The following SCHIP1 variants were observed in gnomAD, a reference collection of about 807,000 sequenced individuals.
SCHIP1 encodes the protein schwannomin-interacting protein 1.
In SCHIP1, 8 loss-of-function variants were observed where a neutral mutation model predicts 29.7. That is an observed-to-expected ratio of 0.27 (90% confidence interval 0.16 to 0.49). SCHIP1 has a LOEUF of 0.49. Among genes scored for constraint, SCHIP1 ranks in the 20% least tolerant of loss-of-function variants. The pLI, the probability that SCHIP1 is intolerant of heterozygous loss-of-function variation, is 0.99. For synonymous variants in SCHIP1, 76 were observed against 94.9 expected, an observed-to-expected ratio of 0.80 and a Z score of 1.16; for missense variants, 193 against 294.6, an observed-to-expected ratio of 0.66 and a Z score of 2.52.
the SCHIP1 span, among the ~76,000 whole-genome samples, chr3:159,425,782 A>T: frequency 6.6e-6 from 1 of 152,338 alleles, no homozygotes; most frequent in African/African-American, 2.4e-5. Context: ...AATTGACCAC[A>T]TACTTGGAAG....
At chr3:159,397,907 T>C in the SCHIP1 span, among the ~76,000 whole-genome samples, 3 of 152,224 alleles carry the variant, frequency 2.0e-5, no homozygotes, top group Non-Finnish European at 2.9e-5. Flanking sequence ...GGCAATGGCA[T>C]GCACCCCTCC....
chr3:159,287,600 A>T, the SCHIP1 span, among the ~76,000 whole-genome samples: 1 of 152,218 alleles, frequency 6.6e-6, no homozygotes, highest in East Asian at 1.9e-4. Flanking sequence ...GCTAAAATTT[A>T]TACCGCATTG....
chr3:159,896,627 T>A, intron 6 of SCHIP1, 96 bp from the exon 8 acceptor site: 2 of 1,260,770 alleles, frequency 1.6e-6, no homozygotes, highest in Non-Finnish European at 2.1e-6. Context: ...TGTCAGTAAC[T>A]CTGAACTTCA....
At chr3:159,556,736 G>A in the SCHIP1 span, among the ~76,000 whole-genome samples, 2 of 137,870 alleles carry the variant, frequency 1.5e-5, no homozygotes, top group Non-Finnish European at 3.1e-5. Context: ...CATGGACACA[G>A]GAAGGGGAAC....
the SCHIP1 span, among the ~76,000 whole-genome samples, chr3:159,674,134 G>A: frequency 3.9e-5 from 6 of 152,112 alleles, no homozygotes; most frequent in East Asian, 1.9e-4. Context: ...TAATGGGCAC[G>A]CTCCATTTAT....
At chr3:159,465,950 T>C in the SCHIP1 span, among the ~76,000 whole-genome samples, 1 of 152,168 alleles carries the variant, frequency 6.6e-6, no homozygotes, top group South Asian at 2.1e-4. Flanking sequence ...ACGATCCTAC[T>C]GAGTGAATGA....
chr3:159,350,232 A>G, the SCHIP1 span, among the ~76,000 whole-genome samples: 44 of 152,288 alleles, frequency 2.9e-4, 1 homozygote, highest in Admixed American at 7.9e-4. Context: ...GAAACAAGAA[A>G]GTGGGAAAGT....
the SCHIP1 span, among the ~76,000 whole-genome samples, chr3:159,590,675 CA>C: frequency 6.6e-6 from 1 of 152,138 alleles, no homozygotes; most frequent in Non-Finnish European, 1.5e-5. Context: ...GTAGCCTTTT[CA>C]GCTGCATATC....
At chr3:159,686,988 A>G in the SCHIP1 span, among the ~76,000 whole-genome samples, 1 of 152,072 alleles carries the variant, frequency 6.6e-6, no homozygotes, top group African/African-American at 2.4e-5. Flanking sequence ...CACTGCACCC[A>G]CTACAGAAGT....
the SCHIP1 span, among the ~76,000 whole-genome samples, chr3:159,535,665 A>G: frequency 9.2e-5 from 14 of 152,230 alleles, no homozygotes; most frequent in Admixed American, 7.9e-4. Flanking sequence ...GACTCTTAGG[A>G]AAATTTATTG....
the SCHIP1 span, among the ~76,000 whole-genome samples, chr3:159,677,360 G>A: frequency 6.6e-6 from 1 of 152,184 alleles, no homozygotes; most frequent in Non-Finnish European, 1.5e-5. Context: ...ACTTGGACAT[G>A]TAGTAAGGGG....
chr3:159,480,921 C>G, the SCHIP1 span, among the ~76,000 whole-genome samples: 1 of 151,912 alleles, frequency 6.6e-6, no homozygotes, highest in African/African-American at 2.4e-5. Context: ...AGGGGTGGAG[C>G]TGTTTTATAG....
the SCHIP1 span, among the ~76,000 whole-genome samples, chr3:159,300,269 G>A: frequency 6.6e-6 from 1 of 151,580 alleles, no homozygotes; most frequent in South Asian, 2.1e-4. Flanking sequence ...GGGACTACAG[G>A]CAAGTACCAC....
the SCHIP1 span, among the ~76,000 whole-genome samples, chr3:159,443,612 G>A: frequency 2.0e-5 from 3 of 151,976 alleles, no homozygotes; most frequent in Admixed American, 6.6e-5. Flanking sequence ...GGGTTCAAGC[G>A]ATTCTCCTGC....
the SCHIP1 span, chr3:159,765,272 A>T: frequency 9.4e-7 from 1 of 1,063,164 alleles, no homozygotes; most frequent in Non-Finnish European, 1.3e-6. Flanking sequence ...GGGCCAGGCC[A>T]GAGAGCCTGC....
intron 1 of SCHIP1, among the ~76,000 whole-genome samples, chr3:159,865,149 T>C (rs900785234): frequency 9.2e-5 from 14 of 152,208 alleles, no homozygotes; most frequent in African/African-American, 3.4e-4. Context: ...CTGCATTTTG[T>C]AATATAGTTT....
At chr3:159,788,013 T>C in the SCHIP1 span, among the ~76,000 whole-genome samples, 1 of 152,194 alleles carries the variant, frequency 6.6e-6, no homozygotes, top group Admixed American at 6.5e-5. Context: ...GCAGATGGAA[T>C]TGCTATCCTA....
chr3:159,684,961 C>T, the SCHIP1 span, among the ~76,000 whole-genome samples: 1 of 152,202 alleles, frequency 6.6e-6, no homozygotes, highest in East Asian at 1.9e-4. Flanking sequence ...CTGGATCCTG[C>T]TTAACCTGCC....
upstream of SCHIP1, among the ~76,000 whole-genome samples, chr3:159,837,982 C>G (rs749782259): frequency 6.6e-6 from 1 of 152,186 alleles, no homozygotes. Flanking sequence ...TGACCCACCC[C>G]TCTCCTGGAC....
Sources: gnomAD v4.1 joint callset for allele counts (sites outside exome capture counted in the v4.1 genomes callset) on GRCh38, gnomAD v4.1.1 for gene constraint, MANE v1.5 for transcripts, NCBI Gene and HGNC (gene_info 2026-07-23, HGNC 2026-07-21) for gene names.